Variants in WDFY2 observed in about 807,000 individuals in gnomAD.
WDFY2 encodes WD repeat and FYVE domain containing 2.
A neutral mutation model predicts 56.4 loss-of-function variants in WDFY2; 36 were observed. That is an observed-to-expected ratio of 0.64 (90% CI 0.49 to 0.84). The LOEUF is 0.84. Ranked by LOEUF, WDFY2 falls within the 40% of genes least tolerant of loss-of-function variation. The pLI is 0.00. For synonymous variants in WDFY2, 176 were observed against 183.7 expected (o/e 0.96, Z 0.34); for missense variants, 444 against 512.2 (o/e 0.87, Z 1.29).
chr13:51,743,632 CAT>C (rs1593470415), intron 7 of WDFY2, among the ~76,000 whole-genome samples: 3 of 152,300 alleles, frequency 2.0e-5, no homozygotes, highest in African/African-American at 7.2e-5. Context: ...TCAGTCAACA[CAT>C]GTTTACTGAA....
At chr13:51,753,731 C>T (rs1216888177) in intron 8 of WDFY2, among the ~76,000 whole-genome samples, 2 of 152,032 alleles carry the variant, frequency 1.3e-5, no homozygotes, top group Admixed American at 1.3e-4. Flanking sequence ...CCTGAACACG[C>T]ATGCTTCCTT....
intron 7 of WDFY2, among the ~76,000 whole-genome samples, chr13:51,745,977 T>C (rs1022130349): frequency 4.3e-5 from 6 of 138,720 alleles, no homozygotes; most frequent in Admixed American, 2.2e-4. Context: ...CTTTTTCTTT[T>C]TTTTTTTTTT....
chr13:51,758,227 A>C lies in WDFY2; in HGVS notation c.1100A>C (p.His367Pro). The C allele has an allele frequency of 6.3e-7, 1 of 1,596,666 alleles. No homozygotes were observed. The highest frequency in any genetic ancestry group is 8.6e-7 in the Non-Finnish European group (1 of 1,166,810). ...APTATFHDSK[H>P]NIVHVHFDAT... ...ACAGCCACCTTCCATGACAGTAAAC[A>C]TAACATTGTGCATGTGCATTTCGAT... Residue 367 changes from histidine (H) to proline (P), a missense_variant, in exon 11 of 12, where the codon CAT (histidine) becomes CCT (proline). His to Pro is a moderately conservative substitution (Grantham distance 77). Transcript: ENST00000298125.
intron 2 of WDFY2, among the ~76,000 whole-genome samples, chr13:51,670,498 C>T (rs915896119): frequency 6.4e-5 from 9 of 140,956 alleles, no homozygotes; most frequent in Non-Finnish European, 1.2e-4. Context: ...TGCACACACA[C>T]ACACACACAC....
chr13:51,662,212 C>A (rs1955628142), intron 2 of WDFY2, among the ~76,000 whole-genome samples: 1 of 152,288 alleles, frequency 6.6e-6, no homozygotes, highest in East Asian at 1.9e-4. Context: ...CTCAGGTAAC[C>A]CACCTGCCTC....
rs1038291848 is a variant in WDFY2 at position 51,763,148 on chromosome 13, G to A, written c.*3379G>A. 3.9e-5 allele frequency: 6 copies of A among 152,182 alleles called. No individual in the cohort carries two copies. The highest frequency in any genetic ancestry group is 1.4e-4 in the African/African-American group (6 of 41,442). The allele number at this position is 152,182 out of a possible 1,614,324, so 9.4% of individuals were successfully genotyped here. On this transcript the variant is annotated 3_prime_UTR_variant, in exon 12 of 12. Coordinates refer to ENST00000298125, the MANE Select transcript of WDFY2 (RefSeq NM_052950.4). ...AGATATGGCTGAGATGTAAACAAGA[G>A]AATCTAAAAGAATGTTCAAGGAATA...
chr13:51,633,857 A>C (rs1954998776), intron 1 of WDFY2, among the ~76,000 whole-genome samples: 1 of 152,164 alleles, frequency 6.6e-6, no homozygotes, highest in South Asian at 2.1e-4. Context: ...TATGCTAGTT[A>C]GTATATATAC....
At chr13:51,758,722 T>A (rs972554974) in intron 11 of WDFY2, among the ~76,000 whole-genome samples, 2 of 152,036 alleles carry the variant, frequency 1.3e-5, no homozygotes, top group Non-Finnish European at 2.9e-5. Flanking sequence ...CTAAAAAGAC[T>A]GTAATAGGTC....
chr13:51,742,084 G>A (rs1205242247), intron 7 of WDFY2, among the ~76,000 whole-genome samples: 1 of 152,182 alleles, frequency 6.6e-6, no homozygotes, highest in Non-Finnish European at 1.5e-5. Flanking sequence ...GCCTCCCCAG[G>A]ATAGGGAGAC....
chr13:51,662,282 A>C (rs1370264668), intron 2 of WDFY2, among the ~76,000 whole-genome samples: 1 of 152,084 alleles, frequency 6.6e-6, no homozygotes, highest in Non-Finnish European at 1.5e-5. Flanking sequence ...CCTGTTTTTT[A>C]AATGATATAA....
chr13:51,624,183 G>C (rs529620371), intron 1 of WDFY2, among the ~76,000 whole-genome samples: 2 of 152,350 alleles, frequency 1.3e-5, no homozygotes, highest in South Asian at 4.1e-4. Context: ...GATTCTGATA[G>C]AGTCTGAACT....
At chr13:51,758,086 C>A in intron 10 of WDFY2, 106 bp from the exon 11 acceptor site, 1 of 593,726 alleles carries the variant, frequency 1.7e-6, no homozygotes, top group Non-Finnish European at 2.9e-6. Flanking sequence ...GTCAGTGAAG[C>A]AGTTTTAGCC....
rs377081330 is a variant in WDFY2 at position 51,750,443 on chromosome 13, C to CA, written c.726-860dup. 5.0e-3 allele frequency among the ~76,000 whole-genome samples: 740 copies of CA among 148,054 alleles called. 5 individuals carry two copies. Among genetic ancestry groups the CA allele is most frequent in the African/African-American group, 0.014 (578 of 40,200 alleles). On this transcript the variant is annotated intron_variant, in intron 7 of 11. Transcript: ENST00000298125. ...CACAGATCAAGAATAAATAGAAACA[C>CA]AAAAAAATCACCAGTCCAGATATCA...
At chr13:51,650,804 G>A (rs1955365113) in intron 1 of WDFY2, among the ~76,000 whole-genome samples, 1 of 152,184 alleles carries the variant, frequency 6.6e-6, no homozygotes, top group Non-Finnish European at 1.5e-5. Context: ...TGTGTTGCTG[G>A]ATTCGGTTTG....
At chr13:51,692,470 G>C (rs1951761278) in intron 3 of WDFY2, among the ~76,000 whole-genome samples, 1 of 152,096 alleles carries the variant, frequency 6.6e-6, no homozygotes, top group Non-Finnish European at 1.5e-5. Context: ...TTTTCTCTTT[G>C]GTTCTGTTTA....
chr13:51,709,869 G>A (rs1435260894), intron 4 of WDFY2, among the ~76,000 whole-genome samples: 2 of 152,090 alleles, frequency 1.3e-5, no homozygotes, highest in African/African-American at 4.8e-5. Flanking sequence ...AAGAGGAGCT[G>A]GTACCATTCC....
chr13:51,693,093 T>A (rs1402261171), intron 3 of WDFY2, among the ~76,000 whole-genome samples: 4 of 152,292 alleles, frequency 2.6e-5, no homozygotes, highest in African/African-American at 9.6e-5. Flanking sequence ...CTTTTTTTCT[T>A]TATTAGTCTT....
chr13:51,711,721 C>G lies in WDFY2; in HGVS notation c.335-7477C>G, dbSNP rs186847023. On this transcript the variant is annotated intron_variant, in intron 4 of 11. Transcript: ENST00000298125. The stretch of plus-strand genomic sequence containing the variant: ...ATCATCACTGGTCATCAGAGAAATG[C>G]AAAACAAAATCACAATAAGATACAT... Among the ~76,000 whole-genome samples, 25 of 152,278 alleles carry G rather than the reference C, an allele frequency of 1.6e-4. No individual in the cohort carries two copies. In the East Asian group the frequency reaches 4.8e-3, roughly 29 times the overall value.
At chr13:51,584,846 C>T (rs370451326) in intron 1 of WDFY2, 22 bp downstream of exon 1, 4 of 1,611,662 alleles carry the variant, frequency 2.5e-6, no homozygotes, top group Non-Finnish European at 3.4e-6. Context: ...TGCCATTCGG[C>T]CGCGAGGAGG....
Sources: gnomAD v4.1 joint callset for allele counts (sites outside exome capture counted in the v4.1 genomes callset) on GRCh38, gnomAD v4.1.1 for gene constraint, MANE v1.5 for transcripts, NCBI Gene and HGNC (gene_info 2026-07-23, HGNC 2026-07-21) for gene names.